The following ST8SIA4 variants were observed in gnomAD, a reference collection of about 807,000 sequenced individuals.
ST8SIA4 encodes CMP-N-acetylneuraminate-poly-alpha-2,8-sialyltransferase.
Under a neutral mutation model 33.9 loss-of-function variants are expected in ST8SIA4, and 15 were observed. That is an observed-to-expected ratio of 0.44 (90% CI 0.30 to 0.68). The LOEUF is 0.68. Among genes scored for constraint, ST8SIA4 ranks in the 30% least tolerant of loss-of-function variants. The pLI, the probability that ST8SIA4 is intolerant of heterozygous loss-of-function variation, is 0.10. For synonymous variants in ST8SIA4, 171 were observed against 151.2 expected (o/e 1.13, Z -0.96); for missense variants, 321 against 428.0 (o/e 0.75, Z 2.21).
rs60335005 is a variant in ST8SIA4 at position 100,841,991 on chromosome 5, C to T, written c.797+14112G>A. Among the ~76,000 whole-genome samples the T allele has an allele frequency of 4.0e-3, 610 of 151,766 alleles. 5 individuals are homozygous for T. Among genetic ancestry groups the T allele is most frequent in the African/African-American group, 0.014 (586 of 41,474 alleles). On this transcript the variant is annotated intron_variant, in intron 4 of 4. Transcript: ENST00000231461. Reference sequence around the variant, plus strand: ...TTCTTCTTTGGAGCTTCAGACCTAGCGCAGTATAGCAATCTATACATGTTT... The same window carrying T: ...TTCTTCTTTGGAGCTTCAGACCTAGTGCAGTATAGCAATCTATACATGTTT...
intron 3 of ST8SIA4, among the ~76,000 whole-genome samples, chr5:100,872,704 T>C (rs1335910971): frequency 6.6e-6 from 1 of 152,026 alleles, no homozygotes; most frequent in Non-Finnish European, 1.5e-5. Flanking sequence ...TCCTGAGGCC[T>C]ACCCAGCCAT....
At chr5:100,854,898 A>G (rs1020625644) in intron 4 of ST8SIA4, among the ~76,000 whole-genome samples, 1 of 152,144 alleles carries the variant, frequency 6.6e-6, no homozygotes, top group Non-Finnish European at 1.5e-5. Context: ...TTATCTTATG[A>G]GTAAATTAAT....
In ST8SIA4 at chr5:100,902,818, T is replaced by C. The variant is rs753925213; in HGVS notation, c.113+25A>G. ...ATTTATGGCTTGACTTTTTGTCATATCCTGAAATGAAGCTTTGCATTTACC... is the reference window on the plus strand; with the variant it reads ...ATTTATGGCTTGACTTTTTGTCATACCCTGAAATGAAGCTTTGCATTTACC... On this transcript the variant is annotated intron_variant, in intron 1 of 4. Coordinates refer to ENST00000231461, the MANE Select transcript of ST8SIA4 (RefSeq NM_005668.6). 45 of 1,569,026 alleles carry C rather than the reference T, an allele frequency of 2.9e-5. No individual in the cohort carries two copies. The highest frequency in any genetic ancestry group is 3.4e-5 in the Non-Finnish European group (39 of 1,139,022).
intron 3 of ST8SIA4, among the ~76,000 whole-genome samples, chr5:100,859,191 A>C (rs531178812): frequency 6.6e-6 from 1 of 152,228 alleles, no homozygotes; most frequent in East Asian, 1.9e-4. Flanking sequence ...CTGCTGATTG[A>C]GCAGGATTAT....
At chr5:100,828,333 G>A (rs986786890) in intron 4 of ST8SIA4, among the ~76,000 whole-genome samples, 4 of 152,158 alleles carry the variant, frequency 2.6e-5, no homozygotes, top group African/African-American at 9.7e-5. Context: ...TGCCAGGCAA[G>A]CAGCTTTCCA....
chr5:100,875,437 T>C (rs972148559), intron 3 of ST8SIA4, among the ~76,000 whole-genome samples: 15 of 152,202 alleles, frequency 9.9e-5, no homozygotes, highest in African/African-American at 3.4e-4. Context: ...AAGTTCTGAG[T>C]GGGAACACCT....
chr5:100,885,772 A>G, intron 3 of ST8SIA4: 6 of 924,854 alleles, frequency 6.5e-6, no homozygotes, highest in Non-Finnish European at 7.7e-6. Context: ...TTAATGAAAA[A>G]CAAACATGCA....
At chr5:100,875,229 A>G (rs1470509579) in intron 3 of ST8SIA4, among the ~76,000 whole-genome samples, 2 of 152,188 alleles carry the variant, frequency 1.3e-5, no homozygotes, top group Admixed American at 1.3e-4. Context: ...TGGTGACTGA[A>G]TCTGTTAATA....
intron 3 of ST8SIA4, among the ~76,000 whole-genome samples, chr5:100,864,740 T>C (rs964109341): frequency 3.3e-5 from 5 of 152,254 alleles, no homozygotes; most frequent in Admixed American, 1.3e-4. Flanking sequence ...TAAAGTTCTC[T>C]CATTTATTAA....
intron 4 of ST8SIA4, among the ~76,000 whole-genome samples, chr5:100,837,838 G>C (rs1455352516): frequency 6.6e-6 from 1 of 151,934 alleles, no homozygotes; most frequent in Non-Finnish European, 1.5e-5. Flanking sequence ...CATGCCGAAA[G>C]ATGTATATTT....
intron 4 of ST8SIA4, chr5:100,849,569 G>GT (rs1164236797): frequency 2.0e-6 from 1 of 509,596 alleles, no homozygotes; most frequent in African/African-American, 2.1e-5. Context: ...ATCACCTGAG[G>GT]TTGCAGTTCG....
intron 1 of ST8SIA4, among the ~76,000 whole-genome samples, chr5:100,900,874 G>A (rs1266316702): frequency 1.3e-5 from 2 of 152,162 alleles, no homozygotes; most frequent in South Asian, 2.1e-4. Context: ...CGCCGCCGGC[G>A]CTCTGGCAGC....
At chr5:100,821,455 T>C (rs1181493429) in intron 4 of ST8SIA4, among the ~76,000 whole-genome samples, 1 of 152,168 alleles carries the variant, frequency 6.6e-6, no homozygotes, top group Non-Finnish European at 1.5e-5. Context: ...AAGTTAATTT[T>C]ACTATGACAA....
At chr5:100,837,972 T>C (rs1323038102) in intron 4 of ST8SIA4, among the ~76,000 whole-genome samples, 1 of 152,030 alleles carries the variant, frequency 6.6e-6, no homozygotes, top group Non-Finnish European at 1.5e-5. Context: ...TTTCTGAGAG[T>C]GTCTGAATCA....
At chr5:100,829,676 G>A (rs1242323015) in intron 4 of ST8SIA4, among the ~76,000 whole-genome samples, 1 of 152,130 alleles carries the variant, frequency 6.6e-6, no homozygotes, top group Non-Finnish European at 1.5e-5. Context: ...TTGGGAGGCC[G>A]AAGCGGGTGG....
Position 100,835,159 on chromosome 5 carries a change from T to C in ST8SIA4, c.797+20944A>G, listed in dbSNP as rs1751342460. ...ACACAAAATTTTCAATCACAAATGCTAAAGCTACCCGTAAGTTCAGATCTA... is the reference window on the plus strand; with the variant it reads ...ACACAAAATTTTCAATCACAAATGCCAAAGCTACCCGTAAGTTCAGATCTA... On this transcript the variant is annotated intron_variant, in intron 4 of 4. Coordinates refer to ENST00000231461, the MANE Select transcript of ST8SIA4 (RefSeq NM_005668.6). 2.6e-5 allele frequency among the ~76,000 whole-genome samples: 4 copies of C among 152,294 alleles called. No homozygotes were observed. In the South Asian group the frequency reaches 8.3e-4, roughly 32 times the overall value.
At chr5:100,859,239 A>T (rs1561397201) in intron 3 of ST8SIA4, among the ~76,000 whole-genome samples, 1 of 152,068 alleles carries the variant, frequency 6.6e-6, no homozygotes, top group South Asian at 2.1e-4. Flanking sequence ...TTTTCTTTAT[A>T]AAAAATTCCT....
intron 4 of ST8SIA4, among the ~76,000 whole-genome samples, chr5:100,836,487 A>G (rs1305104251): frequency 6.6e-6 from 1 of 152,014 alleles, no homozygotes; most frequent in Non-Finnish European, 1.5e-5. Context: ...CTAATGGATA[A>G]AAATACATAG....
intron 4 of ST8SIA4, among the ~76,000 whole-genome samples, chr5:100,826,298 T>C (rs1303900729): frequency 1.3e-5 from 2 of 152,132 alleles, no homozygotes; most frequent in African/African-American, 4.8e-5. Flanking sequence ...TGGGAAAACA[T>C]TGCTCCTTTT....
Sources: gnomAD v4.1 joint callset for allele counts (sites outside exome capture counted in the v4.1 genomes callset) on GRCh38, gnomAD v4.1.1 for gene constraint, MANE v1.5 for transcripts, NCBI Gene and HGNC (gene_info 2026-07-23, HGNC 2026-07-21) for gene names.